Variants in ITGA9 observed in about 807,000 individuals in gnomAD.
The protein encoded by ITGA9 is integrin alpha-9.
Under a neutral mutation model 127.8 loss-of-function variants are expected in ITGA9, and 56 were observed. That is an observed-to-expected ratio of 0.44 (90% confidence interval 0.35 to 0.55). The LOEUF (loss-of-function observed/expected upper bound fraction) is 0.55. ITGA9 is among the 20% of genes least tolerant of loss of function. ITGA9 has a pLI of 0.00. For synonymous variants in ITGA9, 508 were observed against 514.5 expected (o/e 0.99, Z 0.17); for missense variants, 1,196 against 1,347.1 (o/e 0.89, Z 1.76).
chr3:37,788,235 C>T (rs2125555447), intron 26 of ITGA9, among the ~76,000 whole-genome samples: 1 of 152,238 alleles, frequency 6.6e-6, no homozygotes, highest in African/African-American at 2.4e-5. Context: ...CTCAGAAGCA[C>T]ACTGATAACC....
intron 18 of ITGA9, among the ~76,000 whole-genome samples, chr3:37,714,266 CTG>C (rs1701110406): frequency 6.6e-6 from 1 of 152,244 alleles, no homozygotes; most frequent in South Asian, 2.1e-4. Flanking sequence ...TGAAGGTACT[CTG>C]TAAATGTATG....
chr3:37,555,666 G>T (rs764183385), intron 15 of ITGA9, among the ~76,000 whole-genome samples: 2 of 152,164 alleles, frequency 1.3e-5, no homozygotes, highest in Non-Finnish European at 2.9e-5. Flanking sequence ...AATAGATTGA[G>T]GTCACATTGA....
chr3:37,496,947 G>A (rs77065990), intron 5 of ITGA9, among the ~76,000 whole-genome samples: 5,782 of 152,230 alleles, frequency 0.038, 329 homozygotes, highest in South Asian at 0.2. Flanking sequence ...CTTCAGACAT[G>A]TTTACCAGTT....
At chr3:37,605,733 C>A (rs1323017249) in intron 15 of ITGA9, among the ~76,000 whole-genome samples, 1 of 152,088 alleles carries the variant, frequency 6.6e-6, no homozygotes, top group East Asian at 1.9e-4. Context: ...GACTCAGCTG[C>A]CCCTATATAA....
intron 18 of ITGA9, among the ~76,000 whole-genome samples, chr3:37,696,675 T>C (rs916050875): frequency 6.6e-6 from 1 of 152,254 alleles, no homozygotes; most frequent in Non-Finnish European, 1.5e-5. Flanking sequence ...TGAACTGCAA[T>C]TCAACCAGCC....
intron 5 of ITGA9, among the ~76,000 whole-genome samples, chr3:37,502,334 C>T (rs1403042007): frequency 6.6e-6 from 1 of 151,600 alleles, no homozygotes; most frequent in African/African-American, 2.4e-5. Context: ...CCTGCCTCAG[C>T]CTCCTGAGTA....
chr3:37,540,975 T>C (rs151244443), intron 14 of ITGA9, among the ~76,000 whole-genome samples: 102 of 152,336 alleles, frequency 6.7e-4, no homozygotes, highest in African/African-American at 2.2e-3. Flanking sequence ...CAGCTCGGCA[T>C]GGCAAGATCC....
At chr3:37,736,661 C>T (rs1298949865) in intron 19 of ITGA9, among the ~76,000 whole-genome samples, 1 of 152,166 alleles carries the variant, frequency 6.6e-6, no homozygotes, top group Non-Finnish European at 1.5e-5. Flanking sequence ...AGTGTAAACG[C>T]ATCACTTCCT....
chr3:37,658,820 G>C (rs909061677), intron 17 of ITGA9, among the ~76,000 whole-genome samples: 1 of 152,170 alleles, frequency 6.6e-6, no homozygotes, highest in Non-Finnish European at 1.5e-5. Flanking sequence ...GCAGTGGCTG[G>C]TACTGGTTTT....
At chr3:37,663,902 A>G (rs1313686823) in intron 17 of ITGA9, among the ~76,000 whole-genome samples, 1 of 152,248 alleles carries the variant, frequency 6.6e-6, no homozygotes, top group African/African-American at 2.4e-5. Flanking sequence ...TAATTAATTA[A>G]TACATATCCA....
At chr3:37,547,221 A>G (rs75217006) in intron 15 of ITGA9, among the ~76,000 whole-genome samples, 5,459 of 152,352 alleles carry the variant, frequency 0.036, 131 homozygotes, top group East Asian at 0.094. Context: ...AGACGAGGGA[A>G]TATGCACATC....
chr3:37,754,190 G>A (rs1019939105), intron 23 of ITGA9: 2 of 152,172 alleles, frequency 1.3e-5, no homozygotes, highest in African/African-American at 2.4e-5. Flanking sequence ...AAGGGAAGAG[G>A]GTAGTGGTCT....
chr3:37,780,159 GCTGTCTACAAGAGA>G, intron 25 of ITGA9, 138 bp downstream of exon 25: 1 of 1,014,164 alleles, frequency 9.9e-7, no homozygotes, highest in Non-Finnish European at 1.5e-6. Context: ...CCCCCTTTTG[GCTGTCTACAAGAGA>G]CTGTTTTTAT....
At chr3:37,654,827 A>C (rs968961643) in intron 17 of ITGA9, among the ~76,000 whole-genome samples, 3 of 152,078 alleles carry the variant, frequency 2.0e-5, no homozygotes, top group African/African-American at 7.2e-5. Flanking sequence ...ATTTCTCCTA[A>C]TGCTATCCCT....
chr3:37,556,222 G>A (rs1237540442), intron 15 of ITGA9, among the ~76,000 whole-genome samples: 1 of 152,190 alleles, frequency 6.6e-6, no homozygotes, highest in African/African-American at 2.4e-5. Context: ...CTGAGCTTCA[G>A]TGTCCTCAGC....
intron 15 of ITGA9, among the ~76,000 whole-genome samples, chr3:37,548,568 T>C (rs1699349966): frequency 6.6e-6 from 1 of 152,178 alleles, no homozygotes; most frequent in Non-Finnish European, 1.5e-5. Flanking sequence ...TATTCCTTGA[T>C]TTATTTAACC....
intron 16 of ITGA9, among the ~76,000 whole-genome samples, chr3:37,651,035 T>G (rs1220858387): frequency 6.6e-6 from 1 of 152,232 alleles, no homozygotes; most frequent in East Asian, 1.9e-4. Context: ...TCTTAACTAG[T>G]ATTTTATCTT....
intron 18 of ITGA9, among the ~76,000 whole-genome samples, chr3:37,706,335 C>T (rs1701005254): frequency 6.6e-6 from 1 of 152,194 alleles, no homozygotes. Context: ...CCAAAGTGCT[C>T]TTTTCAGTCC....
At chr3:37,589,284 C>G (rs565756637) in intron 15 of ITGA9, among the ~76,000 whole-genome samples, 1 of 152,300 alleles carries the variant, frequency 6.6e-6, no homozygotes, top group East Asian at 1.9e-4. Context: ...CGCTGCCATT[C>G]GTTCATTCAC....
Sources: allele counts gnomAD v4.1 joint callset (sites outside exome capture counted in the v4.1 genomes callset), GRCh38; gene constraint gnomAD v4.1.1; transcripts MANE v1.5; gene names NCBI Gene and HGNC (gene_info 2026-07-23, HGNC 2026-07-21).